Variants in B3GALNT1 observed in about 807,000 individuals in gnomAD.
The protein encoded by B3GALNT1 is beta-1,3-N-acetylgalactosaminyltransferase 1 (Globoside blood group).
B3GALNT1 carries 17 observed loss-of-function variants against 27.3 expected under a neutral mutation model. That is an observed-to-expected ratio of 0.62 (90% CI 0.43 to 0.94). The LOEUF is 0.94. B3GALNT1 is among the 40% of genes least tolerant of loss of function. B3GALNT1 has a pLI of 0.00. For missense variants in B3GALNT1, 347 were observed against 390.0 expected, an observed-to-expected ratio of 0.89 and a Z score of 0.93; for synonymous variants, 141 against 144.0, an observed-to-expected ratio of 0.98 and a Z score of 0.15.
chr3:161,091,606 C>T (rs1019398908), intron 4 of B3GALNT1, among the ~76,000 whole-genome samples: 1 of 152,192 alleles, frequency 6.6e-6, no homozygotes, highest in African/African-American at 2.4e-5. Flanking sequence ...TATCTCAGTA[C>T]TTGTGTGCAA....
rs750118407 is a variant in B3GALNT1 at position 161,085,871 on chromosome 3, A to G, written c.884T>C (p.Ile295Thr). The G allele has an allele frequency of 5.0e-6, 8 of 1,614,004 alleles. No homozygotes were observed. The Admixed American group carries it at 1.0e-4, about 20-fold the overall frequency. The change falls in exon 5 of 5, where the codon ATC becomes ACC. Residue 295 changes from isoleucine (I) to threonine (T), a missense_variant. Ile to Thr is a moderately conservative substitution (Grantham distance 89, BLOSUM62 -1). Coordinates refer to ENST00000320474, the MANE Select transcript of B3GALNT1 (RefSeq NM_003781.4). Reference protein sequence around the residue: ...EDTNLFFLYRIHLDVCQLRRV... With the variant: ...EDTNLFFLYRTHLDVCQLRRV... ...TCTCAGTTGACAGACATCCAAATGG[A>G]TTCTATATAGAAAGAAAAGATTTGT... is the stretch of plus-strand genomic sequence containing the variant.
chr3:161,099,796 G>C (rs184344666), intron 4 of B3GALNT1, among the ~76,000 whole-genome samples: 1 of 151,444 alleles, frequency 6.6e-6, no homozygotes, highest in Admixed American at 6.6e-5. Flanking sequence ...ACTAGATTGT[G>C]TCCCCCTTCT....
chr3:161,102,077 G>C (rs958390090), intron 3 of B3GALNT1, among the ~76,000 whole-genome samples: 14 of 152,118 alleles, frequency 9.2e-5, no homozygotes, highest in Non-Finnish European at 1.8e-4. Context: ...CCCCATAAAA[G>C]GCAGATAGTA....
chr3:161,097,298 G>A (rs1245822925), intron 4 of B3GALNT1, among the ~76,000 whole-genome samples: 13 of 152,092 alleles, frequency 8.5e-5, no homozygotes, highest in African/African-American at 2.4e-4. Flanking sequence ...ACACAGTAAG[G>A]GCTAAGTAGA....
chr3:161,087,377 A>T (rs1355509429), intron 4 of B3GALNT1, among the ~76,000 whole-genome samples: 1 of 152,222 alleles, frequency 6.6e-6, no homozygotes, highest in Non-Finnish European at 1.5e-5. Context: ...CTGAAAGGCA[A>T]GTCCTCCAGA....
At chr3:161,101,258 G>A in intron 3 of B3GALNT1, 25 bp from the exon 4 acceptor site, 2 of 1,274,434 alleles carry the variant, frequency 1.6e-6, no homozygotes, top group Non-Finnish European at 2.1e-6. Context: ...AGATCACAAA[G>A]TCAGGCAGAA....
chr3:161,099,038 T>C (rs930815228), intron 4 of B3GALNT1, among the ~76,000 whole-genome samples: 2 of 152,224 alleles, frequency 1.3e-5, no homozygotes, highest in African/African-American at 4.8e-5. Flanking sequence ...GCTTAAAAAT[T>C]GGCTGATCCA....
chr3:161,086,615 A>C lies in B3GALNT1; in HGVS notation c.140T>G (p.Val47Gly). The C allele has an allele frequency of 4.3e-6, 7 of 1,614,214 alleles. No individual in the cohort carries two copies. Among genetic ancestry groups the C allele is most frequent in the Non-Finnish European group, 5.9e-6 (7 of 1,180,038 alleles). ...SLPHYNVIERVNWMYFYEYEP... is the reference protein window; with the variant it reads ...SLPHYNVIERGNWMYFYEYEP... Reference sequence around the variant, plus strand: ...ATACTCATAGAAGTACATCCAGTTCACGCGTTCTATCACATTGTAGTGGGG... The same window carrying C: ...ATACTCATAGAAGTACATCCAGTTCCCGCGTTCTATCACATTGTAGTGGGG... Residue 47 changes from valine to glycine, a missense_variant, in exon 5 of 5, where the codon GTG becomes GGG. Val to Gly is a moderately radical substitution (Grantham distance 109, BLOSUM62 -3). Coordinates refer to ENST00000320474, the MANE Select transcript of B3GALNT1 (RefSeq NM_003781.4).
chr3:161,103,004 A>G (rs1732205034), intron 3 of B3GALNT1: 1 of 152,250 alleles, frequency 6.6e-6, no homozygotes, highest in African/African-American at 2.4e-5. Context: ...ATGACCCACC[A>G]AATTAACTTT....
chr3:161,096,565 G>A (rs1481868589), intron 4 of B3GALNT1, among the ~76,000 whole-genome samples: 3 of 152,134 alleles, frequency 2.0e-5, no homozygotes, highest in Non-Finnish European at 4.4e-5. Flanking sequence ...CTTATAAAGG[G>A]AAAATAACTA....
chr3:161,090,473 T>TA (rs1724463412), intron 4 of B3GALNT1, among the ~76,000 whole-genome samples: 1 of 152,098 alleles, frequency 6.6e-6, no homozygotes, highest in Non-Finnish European at 1.5e-5. Flanking sequence ...AAACTAATAA[T>TA]ATTAGGTAAT....
At position 161,085,961 on chromosome 3, in the gene B3GALNT1, A is replaced by C. The variant is rs772158348; in HGVS notation, c.794T>G (p.Phe265Cys). 1 of 1,600,822 alleles carries C rather than the reference A, an allele frequency of 6.2e-7. No homozygotes were observed. Among genetic ancestry groups the C allele is most frequent in the Non-Finnish European group, 8.5e-7 (1 of 1,173,736 alleles). The change falls in exon 5 of 5, where the codon TTT (phenylalanine) becomes TGT (cysteine). Residue 265 changes from phenylalanine to cysteine, a missense_variant. Coordinates refer to ENST00000320474, the MANE Select transcript of B3GALNT1 (RefSeq NM_003781.4). ...EMMGHVKPIK[F>C]EDVYVGICLN... Reference sequence around the variant, plus strand: ...ACAGATCCCGACATAAACATCTTCAAACTTGATGGGTTTTACGTGACCCAT... The same window carrying C: ...ACAGATCCCGACATAAACATCTTCACACTTGATGGGTTTTACGTGACCCAT...
chr3:161,103,904 T>C (rs1732814774), intron 2 of B3GALNT1: 1 of 189,726 alleles, frequency 5.3e-6, no homozygotes, highest in African/African-American at 2.4e-5. Flanking sequence ...ATTTTGTATA[T>C]TTAGTAGAGA....
intron 3 of B3GALNT1, among the ~76,000 whole-genome samples, chr3:161,102,395 G>A (rs1367334761): frequency 6.6e-6 from 1 of 152,082 alleles, no homozygotes; most frequent in African/African-American, 2.4e-5. Flanking sequence ...TCCAGCACTT[G>A]GGGCCCTACC....
At position 161,085,478 on chromosome 3, in the gene B3GALNT1, T is replaced by G; in HGVS notation, c.*281A>C. The G allele has an allele frequency of 2.4e-6, 1 of 423,852 alleles. No individual in the cohort carries two copies. Among genetic ancestry groups the G allele is most frequent in the Non-Finnish European group, 4.3e-6 (1 of 234,040 alleles). The allele number at this position is 423,852 out of a possible 1,614,324, so 26.3% of individuals were successfully genotyped here. ...ACTCAGTAACACCCTTTTAAGAAAT[T>G]CTAGTCTACAGAATGACATGTCCAA... On this transcript the variant is annotated 3_prime_UTR_variant, in exon 5 of 5. Coordinates refer to ENST00000320474, the MANE Select transcript of B3GALNT1 (RefSeq NM_003781.4).
rs1425517233 is a variant in B3GALNT1 at position 161,104,385 on chromosome 3, C to T, written c.-287G>A. 1.6e-6 allele frequency: 2 copies of T among 1,287,622 alleles called. No homozygotes were observed. Among genetic ancestry groups the T allele is most frequent in the Non-Finnish European group, 1.0e-6 (1 of 987,750 alleles). 79.8% of individuals were successfully genotyped at this position (1,287,622 alleles called of 1,614,324 possible). Reference sequence around the variant, plus strand: ...CTTGATAGCTTTTCCCACAACGCAGCCACCTCCTAAACGCAGGCAATCTGT... The same window carrying T: ...CTTGATAGCTTTTCCCACAACGCAGTCACCTCCTAAACGCAGGCAATCTGT... On this transcript the variant is annotated 5_prime_UTR_variant, in exon 2 of 5. Transcript: ENST00000320474.
chr3:161,103,978 C>T (rs1467673148), intron 2 of B3GALNT1: 9 of 207,212 alleles, frequency 4.3e-5, no homozygotes, highest in African/African-American at 1.9e-4. Context: ...CTGCCCGCCT[C>T]GGCCTCCCAA....
intron 4 of B3GALNT1, among the ~76,000 whole-genome samples, chr3:161,091,551 T>C (rs1397800417): frequency 6.6e-6 from 1 of 152,222 alleles, no homozygotes; most frequent in Non-Finnish European, 1.5e-5. Context: ...GCTACCCACC[T>C]GTTAGTCACA....
intron 4 of B3GALNT1, among the ~76,000 whole-genome samples, chr3:161,092,329 G>T (rs1725557751): frequency 6.6e-6 from 1 of 152,118 alleles, no homozygotes; most frequent in African/African-American, 2.4e-5. Flanking sequence ...ATAAAACGTT[G>T]AGTATAAACA....
Sources: allele counts gnomAD v4.1 joint callset (sites outside exome capture counted in the v4.1 genomes callset), GRCh38; gene constraint gnomAD v4.1.1; transcripts MANE v1.5; gene names NCBI Gene and HGNC (gene_info 2026-07-23, HGNC 2026-07-21).